The following ZNF407 variants were observed in gnomAD, a reference collection of about 807,000 sequenced individuals.
The protein encoded by ZNF407 is zinc finger protein 407.
Under a neutral mutation model 131.2 loss-of-function variants are expected in ZNF407, and 17 were observed. That is an observed-to-expected ratio of 0.13 (90% CI 0.09 to 0.19). ZNF407 has a LOEUF of 0.19. Among genes scored for constraint, ZNF407 ranks in the 10% least tolerant of loss-of-function variants. The probability of loss-of-function intolerance (pLI) is 1.00; values close to 1 mark genes in which losing one functional copy is unlikely to be tolerated. For missense variants in ZNF407, 2,681 were observed against 2,830.6 expected (o/e 0.95, Z 1.20); for synonymous variants, 1,156 against 1,062.0 (o/e 1.09, Z -1.72).
rs540001831 is a variant in ZNF407 at position 74,959,009 on chromosome 18, G to C, written c.5428+38317G>C. Among the ~76,000 whole-genome samples, 13 of 152,278 alleles carry C rather than the reference G, an allele frequency of 8.5e-5. No homozygotes were observed. The East Asian group carries it at 2.3e-3, about 27-fold the overall frequency. ...AACTTTTCTTCTTCCACAATGCCAA[G>C]TTTATTTTGTTCTTCATTACATTTT... On this transcript the variant is annotated intron_variant, in intron 8 of 8. Coordinates refer to ENST00000299687, the MANE Select transcript of ZNF407 (RefSeq NM_017757.3).
intron 3 of ZNF407, among the ~76,000 whole-genome samples, chr18:74,702,099 TAGATC>T (rs1184206536): frequency 5.3e-5 from 8 of 152,166 alleles, no homozygotes; most frequent in Non-Finnish European, 1.0e-4. Flanking sequence ...AATGAGGTAT[TAGATC>T]AGAGGTGGCA....
At chr18:74,835,730 T>C (rs183811273) in intron 4 of ZNF407, among the ~76,000 whole-genome samples, 1 of 151,554 alleles carries the variant, frequency 6.6e-6, no homozygotes, top group Non-Finnish European at 1.5e-5. Context: ...AGAAGAGAAA[T>C]CTGTAAATTT....
chr18:74,720,974 A>G (rs1439724033), intron 3 of ZNF407, among the ~76,000 whole-genome samples: 1 of 145,820 alleles, frequency 6.9e-6, no homozygotes, highest in Non-Finnish European at 1.5e-5. Context: ...TTGACTATTC[A>G]GGGTCTTTTG....
intron 8 of ZNF407, among the ~76,000 whole-genome samples, chr18:75,018,849 A>C (rs1022840543): frequency 2.0e-5 from 3 of 152,088 alleles, no homozygotes; most frequent in Admixed American, 6.5e-5. Flanking sequence ...TTCAGGAGTA[A>C]ATTTGTTGAG....
At chr18:74,874,500 G>A (rs368777460) in intron 4 of ZNF407, among the ~76,000 whole-genome samples, 1 of 152,160 alleles carries the variant, frequency 6.6e-6, no homozygotes, top group Non-Finnish European at 1.5e-5. Context: ...TCCTTGGGGG[G>A]TGGCAGGCGA....
chr18:74,968,759 C>T (rs1376711582), intron 8 of ZNF407, among the ~76,000 whole-genome samples: 1 of 152,032 alleles, frequency 6.6e-6, no homozygotes, highest in Non-Finnish European at 1.5e-5. Flanking sequence ...AGTGTCTTTA[C>T]CTGGATTGGA....
chr18:74,867,966 T>G (rs866980102), intron 4 of ZNF407, among the ~76,000 whole-genome samples: 1 of 152,216 alleles, frequency 6.6e-6, no homozygotes, highest in African/African-American at 2.4e-5. Context: ...GAGTTGACTT[T>G]GTAGTTGATT....
intron 8 of ZNF407, among the ~76,000 whole-genome samples, chr18:75,060,597 C>A (rs1173221012): frequency 1.3e-5 from 2 of 151,450 alleles, no homozygotes. Context: ...GCTCCGCCTC[C>A]CGGGTTCCCG....
intron 3 of ZNF407, among the ~76,000 whole-genome samples, chr18:74,689,869 G>C (rs1406021318): frequency 6.6e-6 from 1 of 152,158 alleles, no homozygotes; most frequent in African/African-American, 2.4e-5. Context: ...GGGCAGGACA[G>C]GTTCAGGCAT....
At chr18:74,641,168 T>A in intron 3 of ZNF407, 46 bp downstream of exon 3, 1 of 1,459,520 alleles carries the variant, frequency 6.9e-7, no homozygotes, top group Non-Finnish European at 9.6e-7. Flanking sequence ...AGGAAGCATG[T>A]GCAGGATAGC....
chr18:74,755,547 CCCTTCCTTCTT>C (rs1231736960), intron 3 of ZNF407, among the ~76,000 whole-genome samples: 2 of 82,884 alleles, frequency 2.4e-5, no homozygotes, highest in African/African-American at 8.4e-5. Flanking sequence ...CTCCCTCCCT[CCCTTCCTTCTT>C]CCTTCCTTCC....
chr18:74,851,506 C>T (rs1970782914), intron 4 of ZNF407, among the ~76,000 whole-genome samples: 2 of 152,192 alleles, frequency 1.3e-5, no homozygotes, highest in Non-Finnish European at 1.5e-5. Flanking sequence ...GGGAGTATGG[C>T]CACCTGAATG....
chr18:74,915,301 T>G (rs1599239466), intron 7 of ZNF407, among the ~76,000 whole-genome samples: 1 of 151,622 alleles, frequency 6.6e-6, no homozygotes, highest in East Asian at 1.9e-4. Context: ...CAGTGATTAG[T>G]AAAGAGTGTT....
At chr18:74,645,494 G>A (rs1387157476) in intron 3 of ZNF407, among the ~76,000 whole-genome samples, 1 of 152,056 alleles carries the variant, frequency 6.6e-6, no homozygotes, top group Non-Finnish European at 1.5e-5. Flanking sequence ...GAGAGAATAA[G>A]GGCATTTTCT....
chr18:74,907,969 A>G (rs1345267674), intron 7 of ZNF407, among the ~76,000 whole-genome samples: 1 of 152,164 alleles, frequency 6.6e-6, no homozygotes. Flanking sequence ...TAGTTTTTAG[A>G]GACCTTGATC....
intron 3 of ZNF407, among the ~76,000 whole-genome samples, chr18:74,779,656 AT>A (rs112983376): frequency 0.052 from 7,987 of 152,174 alleles, 551 homozygotes; most frequent in African/African-American, 0.16. Context: ...AGGACATTGT[AT>A]TAGGCAAAAG....
intron 8 of ZNF407, among the ~76,000 whole-genome samples, chr18:74,940,709 G>A (rs188558520): frequency 2.6e-5 from 4 of 152,188 alleles, no homozygotes; most frequent in African/African-American, 7.2e-5. Context: ...CCTACTTTGC[G>A]GGGCTGTTGT....
chr18:74,923,829 G>A (rs1430768729), intron 8 of ZNF407, among the ~76,000 whole-genome samples: 1 of 152,066 alleles, frequency 6.6e-6, no homozygotes, highest in Non-Finnish European at 1.5e-5. Context: ...GCAGCTTATA[G>A]TTGCATTTTG....
intron 3 of ZNF407, among the ~76,000 whole-genome samples, chr18:74,645,166 A>G (rs1984911738): frequency 6.6e-6 from 1 of 152,082 alleles, no homozygotes. Flanking sequence ...ATATTTGTAT[A>G]ATAGCAGGAG....
Sources: gnomAD v4.1 joint callset for allele counts (sites outside exome capture counted in the v4.1 genomes callset) on GRCh38, gnomAD v4.1.1 for gene constraint, MANE v1.5 for transcripts, NCBI Gene and HGNC (gene_info 2026-07-23, HGNC 2026-07-21) for gene names.